Variants in CLUH observed in about 807,000 individuals in gnomAD.
The protein encoded by CLUH is clustered mitochondria protein homolog.
In CLUH, 77 loss-of-function variants were observed where a neutral mutation model predicts 139.3. The observed-to-expected ratio is 0.55, with a 90% CI of 0.46 to 0.67. CLUH has a LOEUF of 0.67. CLUH is among the 30% of genes least tolerant of loss of function. The pLI is 0.00. For synonymous variants in CLUH, 999 were observed against 801.6 expected, an observed-to-expected ratio of 1.25 and a Z score of -4.16; for missense variants, 1,876 against 1,875.8, an observed-to-expected ratio of 1.00 and a Z score of 0.00.
chr17:2,689,418 T>A lies in CLUH; in HGVS notation c.*1176A>T, dbSNP rs562803367. The A allele has an allele frequency of 3.3e-5, 5 of 152,724 alleles. No individual in the cohort carries two copies. The highest frequency in any genetic ancestry group is 1.2e-4 in the African/African-American group (5 of 41,564). 9.5% of individuals were successfully genotyped at this position (152,724 alleles called of 1,614,324 possible). On this transcript the variant is annotated 3_prime_UTR_variant, in exon 26 of 26. Transcript: ENST00000651024. ...GTTTCAAAAACTCACTTTATTCCAA[T>A]GTGAAATGAGGACGTGATGGTTTAA...
rs896646604 is a variant in CLUH at position 2,690,361 on chromosome 17, C to G, written c.*233G>C. On this transcript the variant is annotated 3_prime_UTR_variant, in exon 26 of 26. Transcript: ENST00000651024. The stretch of plus-strand genomic sequence containing the variant: ...AGCCGGGAACTGATGGCCGCACACG[C>G]CATTCACGTGTCTCCAATGGGGCCT... The G allele has an allele frequency of 2.3e-6, 1 of 429,308 alleles. No individual in the cohort carries two copies. Among genetic ancestry groups the G allele is most frequent in the Non-Finnish European group, 4.1e-6 (1 of 244,918 alleles). The allele number at this position is 429,308 out of a possible 1,614,324, so 26.6% of individuals were successfully genotyped here. A position where few individuals can be genotyped will look rare whatever the true frequency, so the allele number is the denominator to read the frequency against.
Position 2,694,513 on chromosome 17 carries a change from G to A in CLUH, c.2904C>T (p.Leu968=), listed in dbSNP as rs1401758967. The A allele has an allele frequency of 4.4e-6, 7 of 1,584,280 alleles. No homozygotes were observed. The highest frequency in any genetic ancestry group is 1.7e-4 in the Middle Eastern group (1 of 6,048). Residue 968 remains leucine (L), a synonymous_variant, in exon 17 of 26, where the codon CTC becomes CTT. Coordinates refer to ENST00000651024, the MANE Select transcript of CLUH (RefSeq NM_001366661.1). ...CTGTTTTCAGCGAGATCTCCCGCAGGAGCGTTATCTTCTGCAGGCCGTAGG... is the reference window on the plus strand; with the variant it reads ...CTGTTTTCAGCGAGATCTCCCGCAGAAGCGTTATCTTCTGCAGGCCGTAGG... ...VETYGLQKIT[L]LREISLKTGI...
intron 1 of CLUH, among the ~76,000 whole-genome samples, chr17:2,708,728 G>A (rs966992988): frequency 4.0e-5 from 6 of 151,530 alleles, no homozygotes; most frequent in Admixed American, 2.6e-4. Flanking sequence ...TGCTCCCGCC[G>A]ACCCGCTCCC....
At position 2,690,727 on chromosome 17, in the gene CLUH, A is replaced by G; in HGVS notation, c.3914T>C (p.Leu1305Pro). Residue 1305 changes from leucine (L) to proline (P), a missense_variant, in exon 26 of 26, where the codon CTC becomes CCC. Physicochemically the swap from Leu to Pro is moderately conservative, Grantham distance 98. This residue lies in a region of CLUH where 1,454 missense variants were observed against 1,384.4 expected (regional missense o/e 1.05). Coordinates refer to ENST00000651024, the MANE Select transcript of CLUH (RefSeq NM_001366661.1). ...ATCCCTGTTTCTGCTGGCCTCCTGG[A>G]GCTGGTGCCGCCGCGCCACCTCGGC... Reference protein sequence around the residue: ...LKAEVARRHQLQEASRNRDRA... With the variant: ...LKAEVARRHQPQEASRNRDRA... The G allele has an allele frequency of 6.4e-7, 1 of 1,557,506 alleles. No individual in the cohort carries two copies. The highest frequency in any genetic ancestry group is 8.6e-7 in the Non-Finnish European group (1 of 1,159,600).
rs1263359863 is a variant in CLUH at position 2,692,152 on chromosome 17, G to A, written c.3561-55C>T. 7.9e-6 allele frequency: 12 copies of A among 1,526,986 alleles called. No homozygotes were observed. In the African/African-American group the frequency reaches 9.6e-5, roughly 12 times the overall value. The allele number at this position is 1,526,986 out of a possible 1,614,324, so 94.6% of individuals were successfully genotyped here. A position where few individuals can be genotyped will look rare whatever the true frequency, so the allele number is the denominator to read the frequency against. ...AAGGGCATAAGTGGGCTGGGTGTGG[G>A]GGCCTGACTCGGGGGCCCGGGGTCT... On this transcript the variant is annotated intron_variant, in intron 22 of 25. Transcript: ENST00000651024.
chr17:2,701,014 G>T, intron 7 of CLUH, 126 bp downstream of exon 7: 2 of 1,519,968 alleles, frequency 1.3e-6, no homozygotes, highest in South Asian at 2.4e-5. Context: ...GCTCCCTAGA[G>T]CGGGGACTCC....
chr17:2,695,531 G>C lies in CLUH; in HGVS notation c.2392-5C>G. The stretch of plus-strand genomic sequence containing the variant: ...GTGCTCCATGCAGTCCTTCACCTGC[G>C]GGCTGCAGCAGCTCAGGCCCCCACC... On this transcript the variant is annotated splice_polypyrimidine_tract_variant and splice_region_variant and intron_variant, in intron 13 of 25. Transcript: ENST00000651024. The C allele has an allele frequency of 1.9e-6, 3 of 1,592,862 alleles. No homozygotes were observed. Among genetic ancestry groups the C allele is most frequent in the Non-Finnish European group, 2.6e-6 (3 of 1,175,142 alleles).
intron 4 of CLUH, 86 bp downstream of exon 4, chr17:2,701,828 C>G (rs2070193163): frequency 6.3e-7 from 1 of 1,585,414 alleles, no homozygotes; most frequent in Non-Finnish European, 8.6e-7. Flanking sequence ...GTGCCTCAGG[C>G]CCAGGCCCCT....
intron 1 of CLUH, among the ~76,000 whole-genome samples, chr17:2,709,591 G>A (rs547712071): frequency 6.6e-6 from 1 of 152,216 alleles, no homozygotes; most frequent in Admixed American, 6.5e-5. Context: ...CACCACTGTG[G>A]ACCTGAAAAA....
At position 2,692,590 on chromosome 17, in the gene CLUH, G is replaced by T; in HGVS notation, c.3419C>A (p.Pro1140His). ...LMLLVFGEDH[P>H]EMALLDNNIG... ...ACTCACGTCCAGCAGCGCCATCTCG[G>T]GGTGGTCTTCCCCGAACACCAGCAG... The change falls in exon 21 of 26, where the codon CCC becomes CAC. Residue 1140 changes from proline to histidine, a missense_variant. Around this residue, in one of 3 missense-constraint regions of CLUH, gnomAD observed 1,454 missense variants for 1,384.4 expected, o/e 1.05. Coordinates refer to ENST00000651024, the MANE Select transcript of CLUH (RefSeq NM_001366661.1). 1 of 1,612,346 alleles carries T rather than the reference G, an allele frequency of 6.2e-7. No individual in the cohort carries two copies. Among genetic ancestry groups the T allele is most frequent in the Middle Eastern group, 1.6e-4 (1 of 6,062 alleles).
chr17:2,702,121 C>T, intron 3 of CLUH, 64 bp from the exon 4 acceptor site: 1 of 1,566,020 alleles, frequency 6.4e-7, no homozygotes, highest in Non-Finnish European at 8.7e-7. Flanking sequence ...ACCTGCCCAG[C>T]ACAAAACAGG....
chr17:2,700,518 C>T, intron 8 of CLUH, 44 bp from the exon 9 acceptor site: 2 of 1,583,638 alleles, frequency 1.3e-6, no homozygotes, highest in South Asian at 1.1e-5. Context: ...AGCCTGTGCC[C>T]TGTGACCTGC....
At chr17:2,692,973 C>G (rs889238581) in intron 19 of CLUH, 113 bp from the exon 20 acceptor site, 26 of 1,054,784 alleles carry the variant, frequency 2.5e-5, no homozygotes, top group Non-Finnish European at 3.0e-5. Flanking sequence ...CTGTCCCCTC[C>G]GGCTGCGCCC....
In CLUH at chr17:2,690,728, G is replaced by T; in HGVS notation, c.3913C>A (p.Leu1305Ile). ...TCCCTGTTTCTGCTGGCCTCCTGGA[G>T]CTGGTGCCGCCGCGCCACCTCGGCT... ...LKAEVARRHQ[L>I]QEASRNRDRA... Residue 1305 changes from leucine to isoleucine, a missense_variant, in exon 26 of 26, where the codon CTC (leucine) becomes ATC (isoleucine). Transcript: ENST00000651024. The T allele has an allele frequency of 6.4e-7, 1 of 1,557,446 alleles. No homozygotes were observed.
chr17:2,697,574 C>T (rs998209648), intron 10 of CLUH, among the ~76,000 whole-genome samples: 8 of 152,152 alleles, frequency 5.3e-5, no homozygotes, highest in African/African-American at 1.7e-4. Context: ...ACACCAGCGG[C>T]GGGGACCCCC....
chr17:2,698,877 C>G (rs1453591814), intron 9 of CLUH, among the ~76,000 whole-genome samples: 1 of 152,102 alleles, frequency 6.6e-6, no homozygotes, highest in Non-Finnish European at 1.5e-5. Flanking sequence ...AACCCCATCT[C>G]TAATAAAAAT....
At position 2,700,715 on chromosome 17, in the gene CLUH, G is replaced by A; in HGVS notation, c.1136C>T (p.Thr379Ile). The A allele has an allele frequency of 6.5e-7, 1 of 1,537,168 alleles. No homozygotes were observed. The highest frequency in any genetic ancestry group is 8.7e-7 in the Non-Finnish European group (1 of 1,146,322). The change falls in exon 8 of 26, where the codon ACC becomes ATC. Residue 379 changes from threonine (T) to isoleucine (I), a missense_variant. Physicochemically the swap from Thr to Ile is moderately conservative, Grantham distance 89. Coordinates refer to ENST00000651024, the MANE Select transcript of CLUH (RefSeq NM_001366661.1). ...GTGCTCCTCATAGCCCAGCCTCGAG[G>A]TGTAGGCGTCCTCTGCACGCACGCA... ...MDCVRAEDAYTSRLGYEEHIP... is the reference protein window; with the variant it reads ...MDCVRAEDAYISRLGYEEHIP...
Position 2,692,563 on chromosome 17 carries a change from G to T in CLUH, c.3438+8C>A. 1 of 1,609,584 alleles carries T rather than the reference G, an allele frequency of 6.2e-7. No individual in the cohort carries two copies. Among genetic ancestry groups the T allele is most frequent in the South Asian group, 1.1e-5 (1 of 90,976 alleles). On this transcript the variant is annotated splice_region_variant and intron_variant, in intron 21 of 25. Transcript: ENST00000651024. ...GGGTCCCTGCCGCCCCCCCGCCCCA[G>T]CACTCACGTCCAGCAGCGCCATCTC... is the stretch of plus-strand genomic sequence containing the variant.
intron 23 of CLUH, 43 bp downstream of exon 23, chr17:2,691,955 CGCCACG>C: frequency 4.5e-6 from 2 of 445,268 alleles, no homozygotes; most frequent in Non-Finnish European, 3.1e-6. Context: ...GCCCCCGCCC[CGCCACG>C]CCCCCGCCCC....
Sources: allele counts gnomAD v4.1 joint callset (sites outside exome capture counted in the v4.1 genomes callset), GRCh38; gene constraint gnomAD v4.1.1; regional missense constraint gnomAD v4.1.1; transcripts MANE v1.5; gene names NCBI Gene and HGNC (gene_info 2026-07-23, HGNC 2026-07-21).